The following MYO3B variants were observed in gnomAD, a reference collection of about 807,000 sequenced individuals.
The protein encoded by MYO3B is myosin-IIIb.
MYO3B carries 156 observed loss-of-function variants against 174.6 expected under a neutral mutation model. The observed-to-expected ratio is 0.89, with a 90% CI of 0.78 to 1.02. MYO3B has a LOEUF of 1.02. MYO3B is among the 50% of genes least tolerant of loss of function. MYO3B has a pLI of 0.00. For missense variants in MYO3B, 1,632 were observed against 1,639.4 expected (o/e 1.00, Z 0.08); for synonymous variants, 563 against 569.1 (o/e 0.99, Z 0.15).
chr2:170,541,547 A>C (rs1013416357), intron 30 of MYO3B, among the ~76,000 whole-genome samples: 5 of 152,254 alleles, frequency 3.3e-5, no homozygotes, highest in Admixed American at 1.3e-4. Context: ...AATGGTTGTG[A>C]AGCTTTCTTA....
At chr2:170,637,411 G>C (rs1433483052) in intron 32 of MYO3B, among the ~76,000 whole-genome samples, 3 of 152,046 alleles carry the variant, frequency 2.0e-5, no homozygotes, top group Admixed American at 2.0e-4. Flanking sequence ...GGCCTCAAGT[G>C]ATCCACCCCC....
At chr2:170,648,000 G>A (rs541163639) in intron 32 of MYO3B, 1 of 152,264 alleles carries the variant, frequency 6.6e-6, no homozygotes, top group African/African-American at 2.4e-5. Flanking sequence ...GAGGGAGAGT[G>A]GATGTCAGAC....
At position 170,400,862 on chromosome 2, in the gene MYO3B, G is replaced by A. The variant is rs980021219; in HGVS notation, c.1918+548G>A. Among the ~76,000 whole-genome samples, 3 of 150,548 alleles carry A rather than the reference G, an allele frequency of 2.0e-5. No individual in the cohort carries two copies. In the East Asian group the frequency reaches 6.2e-4, roughly 31 times the overall value. On this transcript the variant is annotated intron_variant, in intron 17 of 34. Coordinates refer to ENST00000408978, the MANE Select transcript of MYO3B (RefSeq NM_138995.5). ...CTTTTTTTTTTCGAGGCGGAGTCTCGCTCTGTCTCCCAGACTGGAGTGCAG... is the reference window on the plus strand; with the variant it reads ...CTTTTTTTTTTCGAGGCGGAGTCTCACTCTGTCTCCCAGACTGGAGTGCAG...
intron 1 of MYO3B, among the ~76,000 whole-genome samples, chr2:170,197,597 G>A (rs999703986): frequency 6.6e-6 from 1 of 152,090 alleles, no homozygotes; most frequent in East Asian, 1.9e-4. Flanking sequence ...TTCCATTTTA[G>A]TGTTGTTCAT....
intron 25 of MYO3B, among the ~76,000 whole-genome samples, chr2:170,478,600 ACT>A (rs1219670671): frequency 7.7e-6 from 1 of 130,234 alleles, no homozygotes; most frequent in African/African-American, 2.9e-5. Flanking sequence ...ATGGAGTCTC[ACT>A]CTGTCACCCA....
chr2:170,275,123 T>G (rs549419315), intron 7 of MYO3B, among the ~76,000 whole-genome samples: 9 of 152,344 alleles, frequency 5.9e-5, no homozygotes, highest in African/African-American at 1.9e-4. Context: ...CCATTTAATG[T>G]TGTTGCCTAA....
chr2:170,649,549 G>A (rs1232223121), intron 32 of MYO3B, among the ~76,000 whole-genome samples: 1 of 145,582 alleles, frequency 6.9e-6, no homozygotes, highest in Non-Finnish European at 1.5e-5. Context: ...CTTATAAGCT[G>A]GGCACGGTGG....
chr2:170,429,418 T>G (rs6752767), intron 22 of MYO3B, among the ~76,000 whole-genome samples: 1,653 of 152,254 alleles, frequency 0.011, 35 homozygotes, highest in African/African-American at 0.038. Context: ...AGAACAAGCT[T>G]TTGTTCCCAG....
intron 32 of MYO3B, among the ~76,000 whole-genome samples, chr2:170,631,915 A>G (rs1697022013): frequency 6.6e-6 from 1 of 152,228 alleles, no homozygotes; most frequent in Non-Finnish European, 1.5e-5. Context: ...CCATTACATA[A>G]CGGTAAAGAG....
intron 7 of MYO3B, among the ~76,000 whole-genome samples, chr2:170,295,427 G>T (rs139694062): frequency 6.6e-6 from 1 of 150,942 alleles, no homozygotes; most frequent in Non-Finnish European, 1.5e-5. Flanking sequence ...TATTTTAGTG[G>T]ATTCCCTTAA....
At chr2:170,435,515 G>A (rs1038254266) in intron 22 of MYO3B, among the ~76,000 whole-genome samples, 2 of 152,296 alleles carry the variant, frequency 1.3e-5, no homozygotes, top group South Asian at 2.1e-4. Context: ...CAAAGTCATC[G>A]TATTGTAGAC....
intron 32 of MYO3B, chr2:170,640,797 G>A (rs954860216): frequency 4.0e-5 from 6 of 151,708 alleles, no homozygotes; most frequent in Admixed American, 6.6e-5. Flanking sequence ...CACTTTCACC[G>A]TATTTACTAT....
At chr2:170,400,648 C>G (rs368240979) in intron 17 of MYO3B, among the ~76,000 whole-genome samples, 12 of 21,550 alleles carry the variant, frequency 5.6e-4, no homozygotes, top group Admixed American at 3.7e-3. Context: ...CATGATCCAC[C>G]CCCCCCCCCT....
At position 170,376,604 on chromosome 2, in the gene MYO3B, TA is replaced by T. The variant is rs1268556056; in HGVS notation, c.972-5411del. Among the ~76,000 whole-genome samples the T allele has an allele frequency of 7.9e-4, 105 of 133,140 alleles. No individual in the cohort carries two copies. The Middle Eastern group carries it at 0.019, about 24-fold the overall frequency. 87.3% of individuals were successfully genotyped at this position (133,140 alleles called of 152,430 possible). On this transcript the variant is annotated intron_variant, in intron 9 of 34. Coordinates refer to ENST00000408978, the MANE Select transcript of MYO3B (RefSeq NM_138995.5). Reference sequence around the variant, plus strand: ...CACCTTTTTCCTTATTCCCTCTCTCTATTTTTTTTTTTGCCTCTATCCGCAA... The same window carrying T: ...CACCTTTTTCCTTATTCCCTCTCTCTTTTTTTTTTTTGCCTCTATCCGCAA...
intron 28 of MYO3B, among the ~76,000 whole-genome samples, chr2:170,502,987 C>A (rs1401532280): frequency 2.0e-5 from 3 of 152,160 alleles, no homozygotes; most frequent in Admixed American, 2.0e-4. Flanking sequence ...ATTCTAAGCT[C>A]TACAACTTCA....
At chr2:170,473,216 T>C (rs1471098888) in intron 25 of MYO3B, among the ~76,000 whole-genome samples, 1 of 149,266 alleles carries the variant, frequency 6.7e-6, no homozygotes, top group Non-Finnish European at 1.5e-5. Flanking sequence ...GATCTCGGCT[T>C]ACTGCAAGCT....
intron 6 of MYO3B, among the ~76,000 whole-genome samples, chr2:170,225,142 G>C (rs6721083): frequency 0.82 from 124,298 of 152,256 alleles, 52,874 homozygotes; most frequent in Non-Finnish European, 0.93. Flanking sequence ...CGTTTAGCGA[G>C]TGCTTACTAT....
At chr2:170,259,812 A>G (rs117748683) in intron 7 of MYO3B, among the ~76,000 whole-genome samples, 158 of 152,312 alleles carry the variant, frequency 1.0e-3, no homozygotes, top group African/African-American at 3.3e-3. Flanking sequence ...TTCACCAACT[A>G]TGCATCCACA....
chr2:170,566,403 T>C (rs537460776), intron 32 of MYO3B, among the ~76,000 whole-genome samples: 15 of 152,210 alleles, frequency 9.9e-5, no homozygotes, highest in Non-Finnish European at 8.8e-5. Context: ...TTGAGTGTTT[T>C]TACCATGTGA....
Sources: allele counts gnomAD v4.1 joint callset (sites outside exome capture counted in the v4.1 genomes callset), GRCh38; gene constraint gnomAD v4.1.1; transcripts MANE v1.5; gene names NCBI Gene and HGNC (gene_info 2026-07-23, HGNC 2026-07-21).